GLIS3: variants seen among roughly 807,000 people sequenced by gnomAD.
GLIS3 encodes GLIS family zinc finger 3, also known as zinc finger protein GLIS3.
Under a neutral mutation model 78.6 loss-of-function variants are expected in GLIS3, and 53 were observed. The observed-to-expected ratio is 0.67, with a 90% confidence interval of 0.54 to 0.85. GLIS3 has a LOEUF of 0.85. Among genes scored for constraint, GLIS3 ranks in the 40% least tolerant of loss-of-function variants. GLIS3 has a pLI of 0.00. For synonymous variants in GLIS3, 684 were observed against 509.9 expected, an observed-to-expected ratio of 1.34 and a Z score of -4.60; for missense variants, 1,703 against 1,231.1, an observed-to-expected ratio of 1.38 and a Z score of -5.74.
chr9:4,366,012 C>T, the GLIS3 span, among the ~76,000 whole-genome samples: 231 of 152,226 alleles, frequency 1.5e-3, 1 homozygote, highest in African/African-American at 5.4e-3. Context: ...GGAAGGAGAG[C>T]TAGCAGGGAA....
chr9:3,978,266 T>C (rs1003606853), intron 4 of GLIS3, among the ~76,000 whole-genome samples: 2 of 152,124 alleles, frequency 1.3e-5, no homozygotes, highest in African/African-American at 4.8e-5. Context: ...TTCCTTTCCA[T>C]TGATTCTTGT....
At chr9:4,335,405 C>G (rs561370089) in intron 2 of GLIS3, among the ~76,000 whole-genome samples, 1 of 152,182 alleles carries the variant, frequency 6.6e-6, no homozygotes, top group Non-Finnish European at 1.5e-5. Context: ...CTCAGTTGCT[C>G]GTAAACTTGC....
In GLIS3 at chr9:4,045,814, G is replaced by A. The variant is rs540833636; in HGVS notation, c.1710+71954C>T. 4.1e-4 allele frequency among the ~76,000 whole-genome samples: 62 copies of A among 152,204 alleles called. 1 individual carries two copies. Among genetic ancestry groups the A allele is most frequent in the Non-Finnish European group, 6.8e-4 (46 of 68,020 alleles). ...ACAGAGATCACTAATGTTCCGCCCC[G>A]TCAGATATCTTTGAGTACTCTTGGA... On this transcript the variant is annotated intron_variant, in intron 4 of 10. Coordinates refer to ENST00000381971, the MANE Select transcript of GLIS3 (RefSeq NM_001042413.2).
intron 9 of GLIS3, among the ~76,000 whole-genome samples, chr9:3,850,668 C>T (rs980353612): frequency 1.3e-5 from 2 of 152,296 alleles, no homozygotes; most frequent in South Asian, 2.1e-4. Flanking sequence ...CTTCTTCATT[C>T]GATAGGTTAC....
In GLIS3 at chr9:3,863,427, CACTGGGGCAGG is replaced by C. The variant is rs533671802; in HGVS notation, c.2298-7254_2298-7244del. Among the ~76,000 whole-genome samples, 219 of 152,304 alleles carry C rather than the reference CACTGGGGCAGG, an allele frequency of 1.4e-3. 1 individual carries two copies. The highest frequency in any genetic ancestry group is 5.2e-3 in the African/African-American group (216 of 41,560). ...AAGTGTGGGTAATTGCAACACTGTC[CACTGGGGCAGG>C]ACTGGGGCAGGGCAAGAGCTGTGTG... On this transcript the variant is annotated intron_variant, in intron 8 of 10. Coordinates refer to ENST00000381971, the MANE Select transcript of GLIS3 (RefSeq NM_001042413.2).
At chr9:3,991,683 A>ATTTTTTTTTTTTTTT (rs59495657) in intron 4 of GLIS3, among the ~76,000 whole-genome samples, 1 of 87,912 alleles carries the variant, frequency 1.1e-5, no homozygotes, top group African/African-American at 5.3e-5. Context: ...AAGTAGGCTG[A>ATTTTTTTTTTTTTTT]TTTTTTTTTT....
At chr9:4,256,963 T>A (rs1322469600) in intron 2 of GLIS3, among the ~76,000 whole-genome samples, 1 of 152,184 alleles carries the variant, frequency 6.6e-6, no homozygotes, top group East Asian at 1.9e-4. Flanking sequence ...CCTCAACAGA[T>A]GAATGGACAA....
At chr9:4,351,045 C>G (rs1817964561), upstream of GLIS3, among the ~76,000 whole-genome samples, 1 of 152,108 alleles carries the variant, frequency 6.6e-6, no homozygotes, top group South Asian at 2.1e-4. Context: ...AGTGCTGGGC[C>G]CTGGGCTTCA....
At chr9:4,185,395 T>A (rs537880815) in intron 2 of GLIS3, among the ~76,000 whole-genome samples, 3 of 152,220 alleles carry the variant, frequency 2.0e-5, no homozygotes, top group Admixed American at 1.3e-4. Flanking sequence ...TGGGCTATTA[T>A]AAAGAATGCT....
chr9:3,905,518 G>A (rs1266281113), intron 6 of GLIS3, among the ~76,000 whole-genome samples: 2 of 152,140 alleles, frequency 1.3e-5, no homozygotes, highest in African/African-American at 4.8e-5. Context: ...TCCCCTGCAG[G>A]TTTGTCACTT....
At chr9:3,886,843 G>A (rs1822110115) in intron 7 of GLIS3, among the ~76,000 whole-genome samples, 1 of 152,114 alleles carries the variant, frequency 6.6e-6, no homozygotes, top group Non-Finnish European at 1.5e-5. Context: ...GTTTGGTATT[G>A]AGGTTAATTG....
At chr9:4,138,121 G>C (rs1465303872) in intron 2 of GLIS3, among the ~76,000 whole-genome samples, 1 of 152,140 alleles carries the variant, frequency 6.6e-6, no homozygotes, top group African/African-American at 2.4e-5. Flanking sequence ...TAATTTAATA[G>C]GCTTAGATCA....
chr9:4,154,302 G>T (rs1391881861), intron 2 of GLIS3, among the ~76,000 whole-genome samples: 1 of 152,116 alleles, frequency 6.6e-6, no homozygotes, highest in Non-Finnish European at 1.5e-5. Context: ...AGAGAATATA[G>T]AATGGGAGCT....
At chr9:4,334,184 A>G (rs1038435918) in intron 2 of GLIS3, among the ~76,000 whole-genome samples, 1 of 152,234 alleles carries the variant, frequency 6.6e-6, no homozygotes, top group Non-Finnish European at 1.5e-5. Context: ...TACTACAGGT[A>G]AAGAAACTGA....
At position 4,132,518 on chromosome 9, in the gene GLIS3, A is replaced by G. The variant is rs185273735; in HGVS notation, c.389-6577T>C. Among the ~76,000 whole-genome samples, 3 of 152,352 alleles carry G rather than the reference A, an allele frequency of 2.0e-5. No homozygotes were observed. In the East Asian group the frequency reaches 5.8e-4, roughly 29 times the overall value. ...GATACAGGGGGAACAAGAATGAAAT[A>G]TATCTGGGAAGAGCGGAGAGAAGCA... On this transcript the variant is annotated intron_variant, in intron 2 of 10. Coordinates refer to ENST00000381971, the MANE Select transcript of GLIS3 (RefSeq NM_001042413.2).
chr9:4,248,987 T>C (rs868632497), intron 2 of GLIS3, among the ~76,000 whole-genome samples: 16 of 152,324 alleles, frequency 1.1e-4, no homozygotes, highest in Middle Eastern at 6.8e-3. Context: ...CATTAGTCTA[T>C]ATATCTATTT....
At chr9:3,998,278 C>T (rs1258163653) in intron 4 of GLIS3, among the ~76,000 whole-genome samples, 3 of 152,090 alleles carry the variant, frequency 2.0e-5, no homozygotes, top group Non-Finnish European at 4.4e-5. Context: ...GACATTAGTG[C>T]TGAATGTGTA....
At chr9:4,186,354 T>C (rs1287772890) in intron 2 of GLIS3, among the ~76,000 whole-genome samples, 5 of 152,034 alleles carry the variant, frequency 3.3e-5, no homozygotes, top group Admixed American at 6.6e-5. Flanking sequence ...CTGCATAGTA[T>C]TCCATGGTGT....
At chr9:4,106,484 G>A (rs1830761334) in intron 4 of GLIS3, among the ~76,000 whole-genome samples, 1 of 152,106 alleles carries the variant, frequency 6.6e-6, no homozygotes, top group South Asian at 2.1e-4. Flanking sequence ...GGGTAATTTT[G>A]CAAGCTTAAA....
Sources: allele counts gnomAD v4.1 joint callset (sites outside exome capture counted in the v4.1 genomes callset), GRCh38; gene constraint gnomAD v4.1.1; transcripts MANE v1.5; gene names NCBI Gene and HGNC (gene_info 2026-07-23, HGNC 2026-07-21).